SNX29: variants seen among roughly 807,000 people sequenced by gnomAD.
SNX29 encodes sorting nexin-29.
A neutral mutation model predicts 102.1 loss-of-function variants in SNX29; 78 were observed. The ratio of observed to expected loss-of-function variants is 0.76; its 90% CI spans 0.64 to 0.92. SNX29 has a LOEUF of 0.92. Among genes scored for constraint, SNX29 ranks in the 40% least tolerant of loss-of-function variants. The pLI, the probability that SNX29 is intolerant of heterozygous loss-of-function variation, is 0.00. For missense variants in SNX29, 1,280 were observed against 1,061.7 expected (o/e 1.21, Z -2.86); for synonymous variants, 580 against 414.5 (o/e 1.40, Z -4.85).
rs369593368 is a variant in SNX29, at chr16:12,142,983, A to C, written c.1595+13225A>C. On this transcript the variant is annotated intron_variant, in intron 13 of 20. Transcript: ENST00000566228. ...TGGGTGCTAGAAATTGAAGGGAAGG[A>C]TATGCAAGCAAAGAAAATTTTTTTT... 1.1e-4 allele frequency among the ~76,000 whole-genome samples: 16 copies of C among 151,350 alleles called. No individual in the cohort carries two copies. In the East Asian group the frequency reaches 1.8e-3, roughly 17 times the overall value.
rs543604165 is a variant in SNX29, at chr16:12,573,448, C to T, written c.*4819C>T. On this transcript the variant is annotated 3_prime_UTR_variant, in exon 21 of 21. Transcript: ENST00000566228. ...GGCTTCCTTAATAAGATAGTTGAGC[C>T]TATGACATTAAGGAGCAGCGCTGCT... 5 of 224,216 alleles carry T rather than the reference C, an allele frequency of 2.2e-5. No homozygotes were observed. The South Asian group carries it at 7.3e-4, about 33-fold the overall frequency. The allele number at this position is 224,216 out of a possible 1,614,324, so 13.9% of individuals were successfully genotyped here. A position where few individuals can be genotyped will look rare whatever the true frequency, so the allele number is the denominator to read the frequency against.
chr16:12,467,680 C>T (rs1463962591), intron 18 of SNX29, among the ~76,000 whole-genome samples: 4 of 152,220 alleles, frequency 2.6e-5, no homozygotes, highest in African/African-American at 7.2e-5. Context: ...TTCATTCATT[C>T]TGTCCTTCTT....
intron 18 of SNX29, among the ~76,000 whole-genome samples, chr16:12,463,291 C>T (rs1378772267): frequency 1.3e-5 from 2 of 152,226 alleles, no homozygotes; most frequent in Non-Finnish European, 2.9e-5. Context: ...TGCCTAATCA[C>T]CTCTGTATTA....
intron 19 of SNX29, among the ~76,000 whole-genome samples, chr16:12,522,506 C>T (rs528159677): frequency 3.9e-5 from 6 of 152,140 alleles, no homozygotes; most frequent in South Asian, 4.2e-4. Flanking sequence ...AATTGTAATC[C>T]GCAGTGTTAG....
chr16:12,237,329 T>G (rs1272214570), intron 14 of SNX29, among the ~76,000 whole-genome samples: 3 of 152,230 alleles, frequency 2.0e-5, no homozygotes, highest in African/African-American at 7.2e-5. Flanking sequence ...GAGCTGTGCC[T>G]CTGTCTGGGA....
Position 12,111,897 on chromosome 16 carries a change from G to C in SNX29, c.1403-14736G>C, listed in dbSNP as rs2053515878. Among the ~76,000 whole-genome samples the C allele has an allele frequency of 3.9e-5, 6 of 152,146 alleles. No individual in the cohort carries two copies. The South Asian group carries it at 1.2e-3, about 32-fold the overall frequency. On this transcript the variant is annotated intron_variant, in intron 11 of 20. Transcript: ENST00000566228. ...TGCTTCTCTGAAGATCTGAGATGGG[G>C]TGTGTGGTGGGGGGTCTAGGAAGCA...
chr16:12,098,988 G>T lies in SNX29; in HGVS notation c.1402+20073G>T, dbSNP rs1419022648. 6.6e-6 allele frequency among the ~76,000 whole-genome samples: 1 copy of T among 152,210 alleles called. No individual in the cohort carries two copies. Among genetic ancestry groups the T allele is most frequent in the Non-Finnish European group, 1.5e-5 (1 of 68,044 alleles). On this transcript the variant is annotated intron_variant, in intron 11 of 20. Transcript: ENST00000566228. This position sits in a 1 kb window ranked among gnomAD's most constrained non-coding sequence, Gnocchi z 6.0. ...GAGCAGAGAGTACGGGACAGAAAGA[G>T]TGAGGGTGGGAACTGGGGAGTGGGG... is the stretch of plus-strand genomic sequence containing the variant.
chr16:12,563,001 A>C (rs972823462), intron 20 of SNX29, among the ~76,000 whole-genome samples: 1 of 152,200 alleles, frequency 6.6e-6, no homozygotes, highest in Non-Finnish European at 1.5e-5. Context: ...AAACTGCTTC[A>C]ATGCGCCTTT....
At chr16:12,522,265 A>T (rs1224253195) in intron 19 of SNX29, among the ~76,000 whole-genome samples, 1 of 152,182 alleles carries the variant, frequency 6.6e-6, no homozygotes, top group African/African-American at 2.4e-5. Context: ...TTCATTGTTT[A>T]TTTGAAGTTC....
intron 10 of SNX29, among the ~76,000 whole-genome samples, chr16:12,075,397 C>G (rs2051505616): frequency 6.6e-6 from 1 of 152,254 alleles, no homozygotes; most frequent in African/African-American, 2.4e-5. Flanking sequence ...GGACCCTCAG[C>G]TGCAGTCTGT....
At position 12,447,165 on chromosome 16, in the gene SNX29, C is replaced by CAA. The variant is rs59942122; in HGVS notation, c.2038-30523_2038-30522dup. The stretch of plus-strand genomic sequence containing the variant: ...CTGGCGACAGAGGGAGACTCTGTCT[C>CAA]AAAAAAAAAAAAAAAAAAAAAAAAA... On this transcript the variant is annotated intron_variant, in intron 18 of 20. Transcript: ENST00000566228. Among the ~76,000 whole-genome samples, 184 of 43,884 alleles carry CAA rather than the reference C, an allele frequency of 4.2e-3. 6 individuals are homozygous for CAA. The highest frequency in any genetic ancestry group is 9.2e-3 in the East Asian group (9 of 974). The allele number at this position is 43,884 out of a possible 152,430, so 28.8% of individuals were successfully genotyped here.
At chr16:12,008,357 C>G (rs527575968) in intron 3 of SNX29, among the ~76,000 whole-genome samples, 5 of 152,160 alleles carry the variant, frequency 3.3e-5, no homozygotes, top group Non-Finnish European at 7.4e-5. Flanking sequence ...GCAACCTCTG[C>G]CTCCTGGGTT....
intron 20 of SNX29, among the ~76,000 whole-genome samples, chr16:12,541,514 A>G (rs550571703): frequency 6.6e-6 from 1 of 152,154 alleles, no homozygotes; most frequent in East Asian, 1.9e-4. Flanking sequence ...GTCCCAAGTC[A>G]TAACCATTTC....
At chr16:12,254,760 C>T (rs1320702029) in intron 14 of SNX29, among the ~76,000 whole-genome samples, 4 of 152,112 alleles carry the variant, frequency 2.6e-5, no homozygotes, top group Non-Finnish European at 5.9e-5. Context: ...TTGTGGCTGC[C>T]GATGGGGCAA....
At chr16:12,362,749 T>C (rs148869288) in intron 16 of SNX29, among the ~76,000 whole-genome samples, 33 of 152,090 alleles carry the variant, frequency 2.2e-4, no homozygotes, top group African/African-American at 7.0e-4. Flanking sequence ...GGTCACACTT[T>C]CCAAGTTGAC....
chr16:12,055,235 C>CTTTTT (rs201288834), intron 8 of SNX29, among the ~76,000 whole-genome samples: 1 of 139,190 alleles, frequency 7.2e-6, no homozygotes, highest in Admixed American at 7.4e-5. Context: ...TGTTTCCTTT[C>CTTTTT]TTTTTTTTTT....
intron 16 of SNX29, among the ~76,000 whole-genome samples, chr16:12,358,443 C>A (rs1004024596): frequency 1.3e-5 from 2 of 152,154 alleles, no homozygotes; most frequent in African/African-American, 4.8e-5. Flanking sequence ...GTGGTGGGCG[C>A]CTGTAATCCC....
intron 11 of SNX29, among the ~76,000 whole-genome samples, chr16:12,094,209 C>T (rs1791845635): frequency 6.6e-6 from 1 of 152,096 alleles, no homozygotes; most frequent in South Asian, 2.1e-4. Context: ...AGAAGATACA[C>T]TATGTAAATT....
intron 14 of SNX29, among the ~76,000 whole-genome samples, chr16:12,207,409 A>G (rs1203857683): frequency 1.3e-5 from 2 of 152,174 alleles, no homozygotes; most frequent in African/African-American, 4.8e-5. Flanking sequence ...GGGAGGCTCA[A>G]TGGGAGCTGT....
Sources: gnomAD v4.1 joint callset for allele counts (sites outside exome capture counted in the v4.1 genomes callset) on GRCh38, gnomAD v4.1.1 for gene constraint, Gnocchi (gnomAD v3.1) non-coding constraint, MANE v1.5 for transcripts, NCBI Gene and HGNC (gene_info 2026-07-23, HGNC 2026-07-21) for gene names.